Variants in ADAMTS17 observed in about 807,000 individuals in gnomAD.
ADAMTS17 encodes A disintegrin and metalloproteinase with thrombospondin motifs 17.
A neutral mutation model predicts 141.5 loss-of-function variants in ADAMTS17; 113 were observed. The observed-to-expected ratio is 0.80, with a 90% CI of 0.69 to 0.93. The LOEUF (loss-of-function observed/expected upper bound fraction) is 0.93. ADAMTS17 is among the 40% of genes least tolerant of loss of function. The pLI is 0.00. For synonymous variants in ADAMTS17, 768 were observed against 630.6 expected (o/e 1.22, Z -3.27); for missense variants, 1,659 against 1,517.9 (o/e 1.09, Z -1.54).
intron 7 of ADAMTS17, among the ~76,000 whole-genome samples, chr15:100,241,971 C>T (rs529058251): frequency 6.6e-5 from 10 of 152,248 alleles, no homozygotes; most frequent in African/African-American, 2.2e-4. Context: ...CCTTCCTTCC[C>T]GTTCCTGAAG....
At chr15:100,077,882 A>G (rs2034487744) in intron 15 of ADAMTS17, among the ~76,000 whole-genome samples, 1 of 152,170 alleles carries the variant, frequency 6.6e-6, no homozygotes, top group Non-Finnish European at 1.5e-5. Flanking sequence ...CCATTAAAAA[A>G]CCTATATGAC....
chr15:100,031,298 G>A (rs990453201), intron 18 of ADAMTS17, among the ~76,000 whole-genome samples: 13 of 152,222 alleles, frequency 8.5e-5, no homozygotes, highest in African/African-American at 3.1e-4. Context: ...ATAAGTAGAT[G>A]ATGATCTTGC....
chr15:100,059,798 G>A (rs2032974011), intron 15 of ADAMTS17, among the ~76,000 whole-genome samples: 1 of 152,162 alleles, frequency 6.6e-6, no homozygotes, highest in South Asian at 2.1e-4. Flanking sequence ...AGGCCTATGA[G>A]GCCCATGAGG....
At chr15:100,265,674 C>T (rs2043688598) in intron 4 of ADAMTS17, among the ~76,000 whole-genome samples, 2 of 152,166 alleles carry the variant, frequency 1.3e-5, no homozygotes, top group Non-Finnish European at 2.9e-5. Context: ...AAGGGCACCA[C>T]CTACCTGTGT....
At position 100,005,908 on chromosome 15, in the gene ADAMTS17, G is replaced by C. The variant is rs182660304; in HGVS notation, c.2592-8319C>G. On this transcript the variant is annotated intron_variant, in intron 18 of 21. Transcript: ENST00000268070. ...GTCTCTCTCCTAGGTTCTGGTGGCGGCTGGGAAGCCTTGGTGTTCCCTGGC... is the reference window on the plus strand; with the variant it reads ...GTCTCTCTCCTAGGTTCTGGTGGCGCCTGGGAAGCCTTGGTGTTCCCTGGC... 3.5e-3 allele frequency among the ~76,000 whole-genome samples: 530 copies of C among 152,214 alleles called. 1 individual carries two copies. Among genetic ancestry groups the C allele is most frequent in the Non-Finnish European group, 5.6e-3 (379 of 67,994 alleles).
rs143434383 is a variant in ADAMTS17, at chr15:100,233,816, G to A, written c.1075+20320C>T. On this transcript the variant is annotated intron_variant, in intron 7 of 21. Coordinates refer to ENST00000268070, the MANE Select transcript of ADAMTS17 (RefSeq NM_139057.4). ...GATTATGGGTGCCAAGCTGGAGATG[G>A]AGGCGAGCCTGGCAAGGGAAGGAGG... Among the ~76,000 whole-genome samples, 1,113 of 152,086 alleles carry A rather than the reference G, an allele frequency of 7.3e-3. 5 individuals carry two copies. The highest frequency in any genetic ancestry group is 0.011 in the Non-Finnish European group (773 of 67,986).
intron 15 of ADAMTS17, among the ~76,000 whole-genome samples, chr15:100,075,748 G>A (rs917693518): frequency 6.6e-6 from 1 of 152,110 alleles, no homozygotes; most frequent in Non-Finnish European, 1.5e-5. Flanking sequence ...ATATACATTT[G>A]TCTCCTTTGC....
intron 7 of ADAMTS17, among the ~76,000 whole-genome samples, chr15:100,205,680 A>G (rs2041516104): frequency 6.6e-6 from 1 of 152,112 alleles, no homozygotes; most frequent in Non-Finnish European, 1.5e-5. Flanking sequence ...AAAATCTCTT[A>G]TTTTGACAAA....
Position 100,051,663 on chromosome 15 carries a change from C to T in ADAMTS17, c.2364G>A (p.Ala788=), listed in dbSNP as rs146286415. The change falls in exon 17 of 22, where the codon GCG becomes GCA. Residue 788 remains alanine, a synonymous_variant. Coordinates refer to ENST00000268070, the MANE Select transcript of ADAMTS17 (RefSeq NM_139057.4). ...GTTTTTCTGGTTCGCTTTGATTTTC[C>T]GCAGTGCGGTTTACAGGAACAGTGT... is the stretch of plus-strand genomic sequence containing the variant. ...YEYTVPVNRT[A]ENQSEPEKPQ... 1.3e-4 allele frequency: 208 copies of T among 1,614,194 alleles called. No individual in the cohort carries two copies. The highest frequency in any genetic ancestry group is 1.7e-4 in the Admixed American group (10 of 60,030).
chr15:99,975,533 T>TC (rs1202152135), intron 21 of ADAMTS17, among the ~76,000 whole-genome samples: 1 of 151,504 alleles, frequency 6.6e-6, no homozygotes, highest in African/African-American at 2.4e-5. Flanking sequence ...GCTCTTCTTC[T>TC]CCTTGTATCA....
intron 2 of ADAMTS17, among the ~76,000 whole-genome samples, chr15:100,338,366 G>A (rs2046267788): frequency 6.6e-6 from 1 of 152,196 alleles, no homozygotes; most frequent in Non-Finnish European, 1.5e-5. Flanking sequence ...TAGAACGTGT[G>A]TGCCCCCAGC....
Position 100,066,787 on chromosome 15 carries a change from C to T in ADAMTS17, c.2138-12733G>A, listed in dbSNP as rs890295754. 4.1e-5 allele frequency among the ~76,000 whole-genome samples: 6 copies of T among 147,342 alleles called. 1 individual carries two copies. Among genetic ancestry groups the T allele is most frequent in the African/African-American group, 1.0e-4 (4 of 40,118 alleles). On this transcript the variant is annotated intron_variant, in intron 15 of 21. Transcript: ENST00000268070. ...CTTCAACACTTGAAATACACTTTTC[C>T]GCTGTCTTCCCTTATGATATTGAGA...
intron 4 of ADAMTS17, among the ~76,000 whole-genome samples, chr15:100,278,308 T>A (rs2044166125): frequency 2.0e-5 from 3 of 148,276 alleles, no homozygotes; most frequent in African/African-American, 7.5e-5. Context: ...GAATTTCGTA[T>A]TACATATGCA....
chr15:100,337,098 G>A (rs991296177), intron 2 of ADAMTS17, among the ~76,000 whole-genome samples: 1 of 152,218 alleles, frequency 6.6e-6, no homozygotes, highest in Non-Finnish European at 1.5e-5. Context: ...CTGGTCTTGA[G>A]CTCCTGACCT....
At position 99,976,265 on chromosome 15, in the gene ADAMTS17, A is replaced by G. The variant is rs551400643; in HGVS notation, c.2950-43T>C. The stretch of plus-strand genomic sequence containing the variant: ...CCTGAGTGGGGCTGACATGAGGTCA[A>G]GGGACTGGGATGATGGCCTCACAAT... On this transcript the variant is annotated intron_variant, in intron 20 of 21. Coordinates refer to ENST00000268070, the MANE Select transcript of ADAMTS17 (RefSeq NM_139057.4). The G allele has an allele frequency of 1.6e-5, 24 of 1,535,186 alleles. No individual in the cohort carries two copies. The East Asian group carries it at 4.4e-4, about 28-fold the overall frequency.
intron 14 of ADAMTS17, among the ~76,000 whole-genome samples, chr15:100,101,684 G>A (rs903857507): frequency 6.6e-6 from 1 of 152,206 alleles, no homozygotes; most frequent in African/African-American, 2.4e-5. Flanking sequence ...TTCAGTAAGA[G>A]CATACAAATG....
chr15:100,057,827 G>A (rs965904235), intron 15 of ADAMTS17, among the ~76,000 whole-genome samples: 21 of 152,134 alleles, frequency 1.4e-4, no homozygotes, highest in Non-Finnish European at 2.4e-4. Flanking sequence ...AGGACAGGCA[G>A]GAGTGCCAGT....
intron 18 of ADAMTS17, among the ~76,000 whole-genome samples, chr15:100,034,095 C>A (rs1185818203): frequency 6.6e-6 from 1 of 152,246 alleles, no homozygotes; most frequent in Admixed American, 6.5e-5. Context: ...GTCCTCCAAG[C>A]CCTTGTGAGC....
At position 100,341,880 on chromosome 15, in the gene ADAMTS17, A is replaced by C; in HGVS notation, c.20T>G (p.Leu7Arg). 1 of 1,551,818 alleles carries C rather than the reference A, an allele frequency of 6.4e-7. No homozygotes were observed. Among genetic ancestry groups the C allele is most frequent in the Non-Finnish European group, 8.7e-7 (1 of 1,147,750 alleles). Residue 7 changes from leucine (L) to arginine (R), a missense_variant, in exon 1 of 22, where the codon CTG becomes CGG. By Grantham distance (102) the Leu-to-Arg change is moderately radical (BLOSUM62 -2). Coordinates refer to ENST00000268070, the MANE Select transcript of ADAMTS17 (RefSeq NM_139057.4). MCDGAL[L>R]PPLVLPVLLL... ...CAGCACGGGCAGGACGAGCGGAGGC[A>C]GCAGGGCGCCGTCACACATGGTACC...
Sources: allele counts gnomAD v4.1 joint callset (sites outside exome capture counted in the v4.1 genomes callset), GRCh38; gene constraint gnomAD v4.1.1; transcripts MANE v1.5; gene names NCBI Gene and HGNC (gene_info 2026-07-23, HGNC 2026-07-21).